SHTN1: variants seen among roughly 807,000 people sequenced by gnomAD.
SHTN1 encodes the protein shootin 1, also known as shootin-1.
A neutral mutation model predicts 83.1 loss-of-function variants in SHTN1; 42 were observed. That is an observed-to-expected ratio of 0.51 (90% CI 0.39 to 0.65). The LOEUF is 0.65. Among genes scored for constraint, SHTN1 ranks in the 30% least tolerant of loss-of-function variants. SHTN1 has a pLI of 0.00. For synonymous variants in SHTN1, 224 were observed against 247.7 expected, an observed-to-expected ratio of 0.90 and a Z score of 0.90; for missense variants, 622 against 737.8, an observed-to-expected ratio of 0.84 and a Z score of 1.82.
chr10:116,989,035 C>T (rs1232715323), intron 1 of SHTN1, among the ~76,000 whole-genome samples: 1 of 151,946 alleles, frequency 6.6e-6, no homozygotes, highest in Admixed American at 6.6e-5. Flanking sequence ...AAGAATGTGT[C>T]CTGTACCCCA....
chr10:116,979,239 A>AG lies in SHTN1; in HGVS notation c.111+16_111+17insC. ...TTACACATGTAAGAAAGGGGAAAAA[A>AG]AAGGTAAAGTACAAACCTTCTCCTT... On this transcript the variant is annotated intron_variant, in intron 2 of 16. Transcript: ENST00000355371. The AG allele has an allele frequency of 1.2e-6, 2 of 1,610,506 alleles. No homozygotes were observed. Among genetic ancestry groups the AG allele is most frequent in the Non-Finnish European group, 1.7e-6 (2 of 1,176,746 alleles).
At chr10:116,972,386 A>G (rs1850648318) in intron 2 of SHTN1, among the ~76,000 whole-genome samples, 1 of 152,244 alleles carries the variant, frequency 6.6e-6, no homozygotes, top group South Asian at 2.1e-4. Flanking sequence ...CACATGCTGC[A>G]AATGCAGCTT....
At chr10:117,002,767 G>A (rs1056959871) in intron 1 of SHTN1, among the ~76,000 whole-genome samples, 1 of 152,114 alleles carries the variant, frequency 6.6e-6, no homozygotes, top group African/African-American at 2.4e-5. Context: ...ATCACACTGT[G>A]GGCTGAAAAA....
chr10:116,893,389 A>C (rs1313636597), intron 16 of SHTN1, among the ~76,000 whole-genome samples: 4 of 152,168 alleles, frequency 2.6e-5, no homozygotes, highest in Non-Finnish European at 4.4e-5. Flanking sequence ...CAGTGTCAGT[A>C]CACAATTCAG....
At chr10:116,888,799 A>T (rs561318029) in intron 16 of SHTN1, among the ~76,000 whole-genome samples, 212 of 152,322 alleles carry the variant, frequency 1.4e-3, no homozygotes, top group Admixed American at 2.8e-3. Flanking sequence ...GTTAAAAAAA[A>T]TTTTTTTAAG....
rs540478394 is a variant in SHTN1, at chr10:117,022,119, C to G, written c.-123+26326G>C. Among the ~76,000 whole-genome samples the G allele has an allele frequency of 5.3e-5, 8 of 152,208 alleles. No individual in the cohort carries two copies. The South Asian group carries it at 8.3e-4, about 16-fold the overall frequency. On this transcript the variant is annotated intron_variant, in intron 2 of 17. Transcript: ENST00000392901. ...TGCCTTCTAGATCTTGGACTCCTGACTATATCTCTATATATAGTCTGCCTG... is the reference window on the plus strand; with the variant it reads ...TGCCTTCTAGATCTTGGACTCCTGAGTATATCTCTATATATAGTCTGCCTG...
At chr10:117,000,756 G>C (rs1166282835) in intron 1 of SHTN1, among the ~76,000 whole-genome samples, 3 of 152,094 alleles carry the variant, frequency 2.0e-5, no homozygotes, top group Non-Finnish European at 4.4e-5. Context: ...GCCAATTAAA[G>C]TATCCTGCCC....
At chr10:117,047,780 T>TC (rs1247618661) in intron 2 of SHTN1, among the ~76,000 whole-genome samples, 1 of 148,990 alleles carries the variant, frequency 6.7e-6, no homozygotes, top group Non-Finnish European at 1.5e-5. Flanking sequence ...AAAGTCTCTC[T>TC]TTTTTTTTGT....
intron 1 of SHTN1, among the ~76,000 whole-genome samples, chr10:117,106,166 A>T (rs1853666087): frequency 6.6e-6 from 1 of 151,874 alleles, no homozygotes; most frequent in South Asian, 2.1e-4. Context: ...TAAATAACAA[A>T]CAGCTCTGGG....
intron 2 of SHTN1, among the ~76,000 whole-genome samples, chr10:116,975,793 A>G (rs927344449): frequency 4.6e-5 from 7 of 152,210 alleles, no homozygotes; most frequent in African/African-American, 1.2e-4. Context: ...GCCAGAATCT[A>G]TATGTATATA....
intron 1 of SHTN1, among the ~76,000 whole-genome samples, chr10:117,111,788 C>T (rs907162185): frequency 1.3e-5 from 2 of 152,064 alleles, no homozygotes; most frequent in African/African-American, 2.4e-5. Flanking sequence ...TCACAATCCC[C>T]TATGACCTCC....
At chr10:117,009,881 C>T (rs957417467), upstream of SHTN1, among the ~76,000 whole-genome samples, 4 of 150,202 alleles carry the variant, frequency 2.7e-5, no homozygotes, top group African/African-American at 9.8e-5. Context: ...CCAGCCTGGG[C>T]GACAGAGTGA....
intron 1 of SHTN1, among the ~76,000 whole-genome samples, chr10:117,108,987 T>C (rs979990534): frequency 6.6e-6 from 1 of 152,194 alleles, no homozygotes; most frequent in African/African-American, 2.4e-5. Flanking sequence ...TCTCAGATCC[T>C]ACTGAAGACC....
intron 1 of SHTN1, among the ~76,000 whole-genome samples, chr10:117,116,331 C>G (rs1853846195): frequency 6.6e-6 from 1 of 152,122 alleles, no homozygotes; most frequent in Admixed American, 6.6e-5. Context: ...TGGATAAATT[C>G]CTGGACACAT....
chr10:116,884,968 G>A lies in SHTN1; in HGVS notation c.*1376C>T, dbSNP rs2133291868. 6.6e-6 allele frequency: 1 copy of A among 152,390 alleles called. No homozygotes were observed. Among genetic ancestry groups the A allele is most frequent in the Middle Eastern group, 3.4e-3 (1 of 294 alleles). 9.4% of individuals were successfully genotyped at this position (152,390 alleles called of 1,614,324 possible). On this transcript the variant is annotated 3_prime_UTR_variant, in exon 17 of 17. Transcript: ENST00000355371. ...AAAACATTACGTTTTAATTCTCCAT[G>A]AGTAAAGTGATAAGTAACTATAAAA...
At position 116,996,683 on chromosome 10, in the gene SHTN1, A is replaced by AC. The variant is rs570310137; in HGVS notation, c.58+8338dup. ...TCTTATTAAGTATTTGTATGCTTAT[A>AC]CATATAGAAACCTAACATTAAAGAG... On this transcript the variant is annotated intron_variant, in intron 1 of 16. Coordinates refer to ENST00000355371, the MANE Select transcript of SHTN1 (RefSeq NM_001127211.3). Among the ~76,000 whole-genome samples the AC allele has an allele frequency of 7.3e-4, 111 of 152,236 alleles. 2 individuals are homozygous for AC. The South Asian group carries it at 0.022, about 30-fold the overall frequency.
At chr10:116,986,372 C>A (rs985479356) in intron 1 of SHTN1, among the ~76,000 whole-genome samples, 1 of 152,104 alleles carries the variant, frequency 6.6e-6, no homozygotes, top group Non-Finnish European at 1.5e-5. Context: ...GAAGCGAAAC[C>A]TCCTTGGGAA....
At position 117,054,282 on chromosome 10, in the gene SHTN1, C is replaced by T. The variant is rs191089336; in HGVS notation, c.-188-5772G>A. 1.4e-4 allele frequency among the ~76,000 whole-genome samples: 21 copies of T among 152,108 alleles called. No homozygotes were observed. In the East Asian group the frequency reaches 3.5e-3, roughly 25 times the overall value. ...GACTGACAAAACTGATTCTTTATGG[C>T]AATAAGATACCAAATTATAAGCAAA... On this transcript the variant is annotated intron_variant, in intron 1 of 17. Coordinates refer to the SHTN1 transcript ENST00000392901.
At chr10:117,010,090 A>T (rs1014204187), upstream of SHTN1, among the ~76,000 whole-genome samples, 1 of 152,142 alleles carries the variant, frequency 6.6e-6, no homozygotes, top group Non-Finnish European at 1.5e-5. Context: ...TGAAGATTAG[A>T]GTGGAGATAA....
Sources: allele counts gnomAD v4.1 joint callset (sites outside exome capture counted in the v4.1 genomes callset), GRCh38; gene constraint gnomAD v4.1.1; transcripts MANE v1.5; gene names NCBI Gene and HGNC (gene_info 2026-07-23, HGNC 2026-07-21).